The following TENM3 variants were observed in gnomAD, a reference collection of about 807,000 sequenced individuals.
The protein encoded by TENM3 is teneurin-3.
In TENM3, 63 loss-of-function variants were observed where a neutral mutation model predicts 255.1. That is an observed-to-expected ratio of 0.25 (90% CI 0.20 to 0.30). The LOEUF (loss-of-function observed/expected upper bound fraction) is 0.30. Among genes scored for constraint, TENM3 ranks in the 10% least tolerant of loss-of-function variants. The pLI, the probability that TENM3 is intolerant of heterozygous loss-of-function variation, is 1.00. For synonymous variants in TENM3, 1,306 were observed against 1,322.3 expected, an observed-to-expected ratio of 0.99 and a Z score of 0.27; for missense variants, 2,929 against 3,461.1, an observed-to-expected ratio of 0.85 and a Z score of 3.86.
the TENM3 span, among the ~76,000 whole-genome samples, chr4:181,998,461 C>T: frequency 6.6e-6 from 1 of 152,172 alleles, no homozygotes; most frequent in African/African-American, 2.4e-5. Context: ...CATTGTTTCC[C>T]CCGTACCCTA....
At chr4:182,365,238 T>C (rs1418298078) in intron 3 of TENM3, among the ~76,000 whole-genome samples, 2 of 152,194 alleles carry the variant, frequency 1.3e-5, no homozygotes, top group East Asian at 1.9e-4. Context: ...CCTTATTCTG[T>C]GTGGATGTAT....
chr4:181,512,375 G>A, the TENM3 span, among the ~76,000 whole-genome samples: 4 of 152,172 alleles, frequency 2.6e-5, no homozygotes, highest in Non-Finnish European at 5.9e-5. Context: ...GGAGCCAGAA[G>A]TAGAAACAGA....
the TENM3 span, among the ~76,000 whole-genome samples, chr4:181,979,884 T>A: frequency 6.6e-6 from 1 of 152,212 alleles, no homozygotes; most frequent in African/African-American, 2.4e-5. Flanking sequence ...TTTTAGTTTT[T>A]GTTTTATTTC....
the TENM3 span, among the ~76,000 whole-genome samples, chr4:181,638,129 T>C: frequency 6.6e-6 from 1 of 152,250 alleles, no homozygotes; most frequent in Non-Finnish European, 1.5e-5. Flanking sequence ...TTTTAAAAAT[T>C]GGTTTATTCA....
chr4:182,334,886 G>C (rs1013099799), intron 2 of TENM3, among the ~76,000 whole-genome samples: 2 of 152,136 alleles, frequency 1.3e-5, no homozygotes, highest in African/African-American at 2.4e-5. Flanking sequence ...GCCATGAGTA[G>C]CAGAAAGCTT....
chr4:182,428,451 A>G (rs140146290), intron 3 of TENM3, among the ~76,000 whole-genome samples: 32 of 151,280 alleles, frequency 2.1e-4, no homozygotes, highest in African/African-American at 7.8e-4. Flanking sequence ...TTCCCATTTT[A>G]TCTCCACGTT....
chr4:182,792,891 T>C lies in TENM3; in HGVS notation c.6219T>C (p.Ala2073=). The change falls in exon 26 of 28, where the codon GCT becomes GCC. Residue 2073 remains alanine, a synonymous_variant. Transcript: ENST00000511685. This position sits in a 1 kb window ranked among gnomAD's most constrained non-coding sequence, Gnocchi z 6.3. ...ATATTAACCAGATCATTTCTACAGCTGTAATGACCTATACGAAGCACTTTG... is the reference window on the plus strand; with the variant it reads ...ATATTAACCAGATCATTTCTACAGCCGTAATGACCTATACGAAGCACTTTG... The part of the protein sequence containing the change: ...YYDINQIIST[A]VMTYTKHFDA... 6.2e-7 allele frequency: 1 copy of C among 1,613,912 alleles called. No homozygotes were observed. Among genetic ancestry groups the C allele is most frequent in the Non-Finnish European group, 8.5e-7 (1 of 1,179,834 alleles).
intron 6 of TENM3, among the ~76,000 whole-genome samples, chr4:182,656,191 G>T (rs1329381800): frequency 2.0e-5 from 3 of 152,304 alleles, no homozygotes; most frequent in African/African-American, 7.2e-5. Flanking sequence ...GGAAGCCCCA[G>T]AATCAGTTAA....
At chr4:182,105,861 G>A in the TENM3 span, among the ~76,000 whole-genome samples, 1 of 152,314 alleles carries the variant, frequency 6.6e-6, no homozygotes, top group Non-Finnish European at 1.5e-5. Flanking sequence ...GGATGATGAG[G>A]AATTACTTAA....
At chr4:181,509,442 A>G in the TENM3 span, among the ~76,000 whole-genome samples, 1 of 151,398 alleles carries the variant, frequency 6.6e-6, no homozygotes, top group Admixed American at 6.6e-5. Context: ...TCTCTTTGTA[A>G]CTCTTCGGGC....
chr4:182,438,576 AC>A (rs1772219472), intron 3 of TENM3, among the ~76,000 whole-genome samples: 2 of 152,156 alleles, frequency 1.3e-5, no homozygotes. Context: ...TCCTTATGAA[AC>A]CCTGCCAGAA....
At chr4:182,056,671 A>G in the TENM3 span, among the ~76,000 whole-genome samples, 1 of 152,176 alleles carries the variant, frequency 6.6e-6, no homozygotes, top group East Asian at 1.9e-4. Flanking sequence ...GCTGCATGCC[A>G]TGTTCTCTGA....
chr4:182,381,300 C>T (rs537231543), intron 3 of TENM3, among the ~76,000 whole-genome samples: 9 of 152,246 alleles, frequency 5.9e-5, no homozygotes, highest in Admixed American at 2.0e-4. Flanking sequence ...CCTGACCACT[C>T]CAGTTAGTTA....
At chr4:182,015,605 G>A in the TENM3 span, among the ~76,000 whole-genome samples, 2 of 151,792 alleles carry the variant, frequency 1.3e-5, no homozygotes, top group African/African-American at 4.8e-5. Flanking sequence ...CTGTCGCCCA[G>A]GCTGGAGTGC....
rs529013529 is a variant in TENM3, at chr4:182,365,114, G to A, written c.511+18185G>A. Among the ~76,000 whole-genome samples, 37 of 152,318 alleles carry A rather than the reference G, an allele frequency of 2.4e-4. 1 individual carries two copies. In the South Asian group the frequency reaches 6.2e-3, roughly 26 times the overall value. ...TTTTTGACAATTGGACCGATGAAACGTGTCTTACCTTTGTTGTAATTTGTA... is the reference window on the plus strand; with the variant it reads ...TTTTTGACAATTGGACCGATGAAACATGTCTTACCTTTGTTGTAATTTGTA... On this transcript the variant is annotated intron_variant, in intron 3 of 27. Coordinates refer to ENST00000511685, the MANE Select transcript of TENM3 (RefSeq NM_001080477.4).
chr4:181,658,308 G>C, the TENM3 span, among the ~76,000 whole-genome samples: 1 of 152,106 alleles, frequency 6.6e-6, no homozygotes, highest in African/African-American at 2.4e-5. Flanking sequence ...AAAGCATTTC[G>C]GGAGATTGGC....
the TENM3 span, among the ~76,000 whole-genome samples, chr4:182,106,850 C>G: frequency 6.6e-6 from 1 of 152,072 alleles, no homozygotes; most frequent in South Asian, 2.1e-4. Context: ...AAACCAGAAC[C>G]ATATTTCAGC....
At chr4:182,402,115 G>T (rs1321060175) in intron 3 of TENM3, among the ~76,000 whole-genome samples, 2 of 152,212 alleles carry the variant, frequency 1.3e-5, no homozygotes, top group Non-Finnish European at 2.9e-5. Flanking sequence ...TCCCAAAGCT[G>T]CATGAAGGGC....
chr4:182,611,451 C>A (rs1051758402), intron 4 of TENM3, among the ~76,000 whole-genome samples: 1 of 150,952 alleles, frequency 6.6e-6, no homozygotes, highest in African/African-American at 2.4e-5. Flanking sequence ...CTAATCATAC[C>A]ATATTTTTCA....
Sources: gnomAD v4.1 joint callset for allele counts (sites outside exome capture counted in the v4.1 genomes callset) on GRCh38, gnomAD v4.1.1 for gene constraint, Gnocchi (gnomAD v3.1) non-coding constraint, MANE v1.5 for transcripts, NCBI Gene and HGNC (gene_info 2026-07-23, HGNC 2026-07-21) for gene names.